Variants in ARHGAP22 observed in about 807,000 individuals in gnomAD.
ARHGAP22 encodes rho GTPase-activating protein 22.
Under a neutral mutation model 59.1 loss-of-function variants are expected in ARHGAP22, and 48 were observed. The ratio of observed to expected loss-of-function variants is 0.81; its 90% CI spans 0.64 to 1.03. ARHGAP22 has a LOEUF of 1.03. Ranked by LOEUF, ARHGAP22 falls within the 50% of genes least tolerant of loss-of-function variation. The pLI is 0.00. For synonymous variants in ARHGAP22, 445 were observed against 416.4 expected, an observed-to-expected ratio of 1.07 and a Z score of -0.84; for missense variants, 1,015 against 958.7, an observed-to-expected ratio of 1.06 and a Z score of -0.78.
intron 3 of ARHGAP22, among the ~76,000 whole-genome samples, chr10:48,520,229 A>G (rs1308855300): frequency 6.6e-6 from 1 of 152,200 alleles, no homozygotes; most frequent in Non-Finnish European, 1.5e-5. Flanking sequence ...GCATTTGTTT[A>G]GAGGCAATCA....
chr10:48,451,045 C>G lies in ARHGAP22; in HGVS notation c.1084G>C (p.Gly362Arg), dbSNP rs927039629. 4 of 1,552,584 alleles carry G rather than the reference C, an allele frequency of 2.6e-6. No homozygotes were observed. The African/African-American group carries it at 4.1e-5, about 16-fold the overall frequency. ...PVPEGPTSPRGGLQCAVGWGS... is the reference protein window; with the variant it reads ...PVPEGPTSPRRGLQCAVGWGS... ...CACCCCACTGCGCATTGCAGGCCCC[C>G]GCGCGGGGAGGTGGGCCCTTCCGGG... Residue 362 changes from glycine (G) to arginine (R), a missense_variant, in exon 9 of 10, where the codon GGG (glycine) becomes CGG (arginine). Coordinates refer to ENST00000249601, the MANE Select transcript of ARHGAP22 (RefSeq NM_021226.4).
intron 1 of ARHGAP22, among the ~76,000 whole-genome samples, chr10:48,632,297 T>C (rs1219542239): frequency 6.6e-6 from 1 of 152,270 alleles, no homozygotes; most frequent in African/African-American, 2.4e-5. Context: ...AAAGACATTA[T>C]TTCATTCCTT....
At chr10:48,456,917 C>T (rs555116090) in intron 5 of ARHGAP22, among the ~76,000 whole-genome samples, 4 of 152,116 alleles carry the variant, frequency 2.6e-5, no homozygotes, top group African/African-American at 9.7e-5. Flanking sequence ...CCCTTCCCCC[C>T]TCCAACAAGC....
intron 2 of ARHGAP22, among the ~76,000 whole-genome samples, chr10:48,579,764 C>T (rs78795423): frequency 0.017 from 2,511 of 152,118 alleles, 81 homozygotes; most frequent in African/African-American, 0.057. Context: ...GCCCGTCCTA[C>T]AGGAGAGTGC....
At chr10:48,449,157 T>C (rs1203800379) in intron 9 of ARHGAP22, among the ~76,000 whole-genome samples, 1 of 152,246 alleles carries the variant, frequency 6.6e-6, no homozygotes, top group Non-Finnish European at 1.5e-5. Context: ...CCATGTACCC[T>C]GTAGTTTGGT....
At chr10:48,507,083 C>T (rs957339380) in intron 3 of ARHGAP22, among the ~76,000 whole-genome samples, 3 of 152,220 alleles carry the variant, frequency 2.0e-5, no homozygotes, top group African/African-American at 7.2e-5. Context: ...ACCTTGTTCC[C>T]AAGCACCATC....
intron 1 of ARHGAP22, among the ~76,000 whole-genome samples, chr10:48,643,005 C>A (rs2062118354): frequency 6.6e-6 from 1 of 152,108 alleles, no homozygotes; most frequent in African/African-American, 2.4e-5. Flanking sequence ...TCATCACTGG[C>A]CATCAGAGAA....
chr10:48,577,801 G>GTTTTTTTTTTTTTT lies in ARHGAP22; in HGVS notation c.234+5138_234+5151dup, dbSNP rs34557935. ...TCTGAGATCTAACTGCTCTTTTTTG[G>GTTTTTTTTTTTTTT]TTTTTTTTTTTTTTTTTTTTTTTTT... is the stretch of plus-strand genomic sequence containing the variant. On this transcript the variant is annotated intron_variant, in intron 2 of 9. Coordinates refer to ENST00000249601, the MANE Select transcript of ARHGAP22 (RefSeq NM_021226.4). 4.0e-3 allele frequency among the ~76,000 whole-genome samples: 235 copies of GTTTTTTTTTTTTTT among 59,170 alleles called. 48 individuals carry two copies. The highest frequency in any genetic ancestry group is 0.024 in the East Asian group (30 of 1,248). 38.8% of individuals were successfully genotyped at this position (59,170 alleles called of 152,430 possible). A position where few individuals can be genotyped will look rare whatever the true frequency, so the allele number is the denominator to read the frequency against.
At chr10:48,649,065 A>T (rs1459842832) in intron 1 of ARHGAP22, among the ~76,000 whole-genome samples, 1 of 152,210 alleles carries the variant, frequency 6.6e-6, no homozygotes, top group African/African-American at 2.4e-5. Context: ...CCATGCAATT[A>T]TTCCTATGAA....
Position 48,612,085 on chromosome 10 carries a change from T to C in ARHGAP22, c.53-28933A>G, listed in dbSNP as rs192484405. Among the ~76,000 whole-genome samples the C allele has an allele frequency of 7.4e-3, 1,125 of 151,296 alleles. 19 individuals are homozygous for C. Among genetic ancestry groups the C allele is most frequent in the African/African-American group, 0.027 (1,092 of 41,168 alleles). On this transcript the variant is annotated intron_variant, in intron 1 of 9. Transcript: ENST00000435790. ...ATCCGCCTGCCTTGGCCTCCCAAAG[T>C]GCTAGGATTACAGGCGTGAGCCACC...
At chr10:48,484,533 G>C (rs1315797262) in intron 3 of ARHGAP22, among the ~76,000 whole-genome samples, 1 of 152,196 alleles carries the variant, frequency 6.6e-6, no homozygotes, top group Admixed American at 6.5e-5. Context: ...TTCAAACCTA[G>C]AAGTTTGTAG....
intron 2 of ARHGAP22, among the ~76,000 whole-genome samples, chr10:48,571,045 C>T (rs1300867932): frequency 6.6e-6 from 1 of 152,182 alleles, no homozygotes; most frequent in Non-Finnish European, 1.5e-5. Context: ...TCTTTTTCTT[C>T]CATTCCTCTT....
chr10:48,560,174 T>G (rs916330311), intron 2 of ARHGAP22, among the ~76,000 whole-genome samples: 1 of 152,210 alleles, frequency 6.6e-6, no homozygotes, highest in Non-Finnish European at 1.5e-5. Flanking sequence ...TGTCTGGCTA[T>G]TCTAGGCCCT....
intron 3 of ARHGAP22, among the ~76,000 whole-genome samples, chr10:48,535,053 GC>G (rs2135015068): frequency 6.6e-6 from 1 of 152,320 alleles, no homozygotes; most frequent in African/African-American, 2.4e-5. Flanking sequence ...GTTAACTAGT[GC>G]TCCTTGCACT....
intron 1 of ARHGAP22, among the ~76,000 whole-genome samples, chr10:48,625,408 G>A (rs2061414641): frequency 6.6e-6 from 1 of 152,068 alleles, no homozygotes; most frequent in Admixed American, 6.5e-5. Flanking sequence ...TTTGGGAGGG[G>A]TGATGATTTG....
chr10:48,634,703 A>C lies in ARHGAP22; in HGVS notation c.52+17531T>G, dbSNP rs560653275. ...ACAGCTCTGAGCCCAGGAAAGCAAG[A>C]GGGCTGAATTGTGTCCCCCGACTCC... On this transcript the variant is annotated intron_variant, in intron 1 of 9. Coordinates refer to the ARHGAP22 transcript ENST00000435790. Among the ~76,000 whole-genome samples the C allele has an allele frequency of 2.6e-5, 4 of 152,272 alleles. No individual in the cohort carries two copies. In the South Asian group the frequency reaches 8.3e-4, roughly 32 times the overall value.
chr10:48,645,756 C>T (rs1471170415), intron 1 of ARHGAP22, among the ~76,000 whole-genome samples: 1 of 152,162 alleles, frequency 6.6e-6, no homozygotes, highest in Non-Finnish European at 1.5e-5. Context: ...GAGGTAGCCA[C>T]TTTCTCCACT....
At chr10:48,515,454 G>A (rs916480903) in intron 3 of ARHGAP22, among the ~76,000 whole-genome samples, 2 of 152,084 alleles carry the variant, frequency 1.3e-5, no homozygotes, top group Admixed American at 1.3e-4. Context: ...AAAATAAACA[G>A]AACGCAGGAG....
chr10:48,599,796 T>C (rs1021669924), intron 1 of ARHGAP22, among the ~76,000 whole-genome samples: 21 of 151,916 alleles, frequency 1.4e-4, no homozygotes, highest in Admixed American at 2.0e-4. Context: ...CAGCACAGAG[T>C]GGGTGGCCTG....
Sources: gnomAD v4.1 joint callset for allele counts (sites outside exome capture counted in the v4.1 genomes callset) on GRCh38, gnomAD v4.1.1 for gene constraint, MANE v1.5 for transcripts, NCBI Gene and HGNC (gene_info 2026-07-23, HGNC 2026-07-21) for gene names.